ACSL3: variants seen among roughly 807,000 people sequenced by gnomAD.
The protein encoded by ACSL3 is fatty acid CoA ligase Acsl3.
In ACSL3, 34 loss-of-function variants were observed where a neutral mutation model predicts 84.7. The observed-to-expected ratio is 0.40, with a 90% CI of 0.31 to 0.53. The LOEUF (loss-of-function observed/expected upper bound fraction) is 0.53. ACSL3 is among the 20% of genes least tolerant of loss of function. ACSL3 has a pLI of 0.48. For synonymous variants in ACSL3, 315 were observed against 299.4 expected (o/e 1.05, Z -0.54); for missense variants, 680 against 873.1 (o/e 0.78, Z 2.79).
chr2:222,938,281 G>A (rs1697225934), intron 16 of ACSL3, among the ~76,000 whole-genome samples: 1 of 151,966 alleles, frequency 6.6e-6, no homozygotes, highest in Admixed American at 6.6e-5. Context: ...ATGGTTTTGT[G>A]TTACTGTTTG....
At position 222,941,699 on chromosome 2, in the gene ACSL3, A is replaced by G. The variant is rs774431863; in HGVS notation, c.*45A>G. On this transcript the variant is annotated 3_prime_UTR_variant, in exon 17 of 17. Transcript: ENST00000357430. ...GTTTGCTACAGTGAGCTCAGATCAA[A>G]TAGGAAAATACTTGAAATGCATGTC... 2 of 1,553,562 alleles carry G rather than the reference A, an allele frequency of 1.3e-6. No individual in the cohort carries two copies. The highest frequency in any genetic ancestry group is 1.8e-5 in the Admixed American group (1 of 55,386).
At position 222,943,106 on chromosome 2, in the gene ACSL3, C is replaced by CA. The variant is rs754764759; in HGVS notation, c.*1461dup. The CA allele has an allele frequency of 8.6e-5, 18 of 209,606 alleles. No homozygotes were observed. The highest frequency in any genetic ancestry group is 1.3e-4 in the Non-Finnish European group (14 of 105,656). 13.0% of individuals were successfully genotyped at this position (209,606 alleles called of 1,614,324 possible). A position where few individuals can be genotyped will look rare whatever the true frequency, so the allele number is the denominator to read the frequency against. ...AAATCAAAAAAAAAAAAAACAAAAA[C>CA]AAAAAAAAAGATGAACCTAGGTCTG... On this transcript the variant is annotated 3_prime_UTR_variant, in exon 17 of 17. Coordinates refer to ENST00000357430, the MANE Select transcript of ACSL3 (RefSeq NM_004457.5).
At position 222,900,666 on chromosome 2, in the gene ACSL3, G is replaced by A. The variant is rs1329834732; in HGVS notation, c.-147-8G>A. 1 of 151,982 alleles carries A rather than the reference G, an allele frequency of 6.6e-6. No individual in the cohort carries two copies. Among genetic ancestry groups the A allele is most frequent in the East Asian group, 1.9e-4 (1 of 5,184 alleles). 9.4% of individuals were successfully genotyped at this position (151,982 alleles called of 1,614,324 possible). On this transcript the variant is annotated splice_polypyrimidine_tract_variant and splice_region_variant and intron_variant, in intron 2 of 16. Coordinates refer to ENST00000357430, the MANE Select transcript of ACSL3 (RefSeq NM_004457.5). Reference sequence around the variant, plus strand: ...CTAATTCATGACTTAATTCTATATTGTATTCAGATACAGAATTCGTTGTTG... The same window carrying A: ...CTAATTCATGACTTAATTCTATATTATATTCAGATACAGAATTCGTTGTTG...
intron 16 of ACSL3, among the ~76,000 whole-genome samples, chr2:222,936,083 G>C (rs1238343179): frequency 3.3e-5 from 5 of 152,010 alleles, no homozygotes; most frequent in Non-Finnish European, 7.4e-5. Context: ...CCATGTGATA[G>C]GATTTTTCTT....
At chr2:222,925,163 C>T (rs533306653) in intron 11 of ACSL3, among the ~76,000 whole-genome samples, 2 of 151,604 alleles carry the variant, frequency 1.3e-5, no homozygotes, top group East Asian at 3.9e-4. Flanking sequence ...GTGACAAAAC[C>T]ACATCTCTAC....
chr2:222,882,048 T>C (rs1695602568), intron 1 of ACSL3, among the ~76,000 whole-genome samples: 1 of 152,240 alleles, frequency 6.6e-6, no homozygotes, highest in African/African-American at 2.4e-5. Context: ...CTATGTGGTA[T>C]GTCACGTTTT....
chr2:222,867,158 A>G (rs796200330), intron 1 of ACSL3, among the ~76,000 whole-genome samples: 2 of 152,184 alleles, frequency 1.3e-5, no homozygotes, highest in African/African-American at 4.8e-5. Flanking sequence ...GGACTTGAAC[A>G]TAATTCCTCA....
Position 222,941,825 on chromosome 2 carries a change from C to A in ACSL3, c.*171C>A. ...ATTAGTAAAACATTAAGACAGCAAA[C>A]TTGTGTCTGTCTCTTCTTTCATTTT... On this transcript the variant is annotated 3_prime_UTR_variant, in exon 17 of 17. Transcript: ENST00000357430. 1 of 627,820 alleles carries A rather than the reference C, an allele frequency of 1.6e-6. No individual in the cohort carries two copies. Among genetic ancestry groups the A allele is most frequent in the Non-Finnish European group, 2.4e-6 (1 of 410,182 alleles). 38.9% of individuals were successfully genotyped at this position (627,820 alleles called of 1,614,324 possible). A position where few individuals can be genotyped will look rare whatever the true frequency, so the allele number is the denominator to read the frequency against.
chr2:222,930,877 A>G, intron 14 of ACSL3, 65 bp downstream of exon 14: 5 of 1,411,654 alleles, frequency 3.5e-6, no homozygotes, highest in Middle Eastern at 1.8e-4. Context: ...GAAGCACAAT[A>G]TATTTAGAGG....
Position 222,934,677 on chromosome 2 carries a change from T to C in ACSL3, c.1995T>C (p.Ala665=). 2 of 1,607,826 alleles carry C rather than the reference T, an allele frequency of 1.2e-6. No individual in the cohort carries two copies. Among genetic ancestry groups the C allele is most frequent in the Non-Finnish European group, 1.7e-6 (2 of 1,178,038 alleles). Residue 665 remains alanine (A), a synonymous_variant, in exon 16 of 17, where the codon GCT becomes GCC. Transcript: ENST00000357430. ...AGGTACTTAAAGTGCTTTCCGAAGC[T>C]GCTATTTCAGGTGAGTATTCGGTTA... is the stretch of plus-strand genomic sequence containing the variant. ...ENEVLKVLSE[A]AISASLEKFE... is the part of the protein sequence containing the mutation.
At chr2:222,900,947 C>G (rs995552774) in intron 3 of ACSL3, among the ~76,000 whole-genome samples, 167 bp downstream of exon 3, 1 of 152,198 alleles carries the variant, frequency 6.6e-6, no homozygotes, top group South Asian at 2.1e-4. Flanking sequence ...CGTCTCCTCC[C>G]AGCCCTGCTC....
intron 1 of ACSL3, among the ~76,000 whole-genome samples, chr2:222,867,012 T>G (rs968638785): frequency 6.6e-6 from 1 of 151,716 alleles, no homozygotes; most frequent in African/African-American, 2.4e-5. Flanking sequence ...TTTTTGTATT[T>G]TTGGTAGAGA....
chr2:222,926,166 A>T (rs577437181), intron 11 of ACSL3, among the ~76,000 whole-genome samples: 4 of 152,326 alleles, frequency 2.6e-5, no homozygotes, highest in African/African-American at 9.6e-5. Flanking sequence ...ACTATTTACA[A>T]TGAATTTATA....
intron 14 of ACSL3, among the ~76,000 whole-genome samples, chr2:222,932,501 G>C (rs540174399): frequency 2.6e-5 from 4 of 152,138 alleles, no homozygotes; most frequent in African/African-American, 9.6e-5. Context: ...GCTAGTTTTC[G>C]TATTTTTAGT....
intron 1 of ACSL3, among the ~76,000 whole-genome samples, chr2:222,881,455 T>G (rs115856968): frequency 0.012 from 1,817 of 152,386 alleles, 12 homozygotes; most frequent in Non-Finnish European, 0.018. Flanking sequence ...ATACTGTTTT[T>G]AAGTTTAAGC....
intron 8 of ACSL3, among the ~76,000 whole-genome samples, chr2:222,921,663 T>C (rs1696743689): frequency 6.6e-6 from 1 of 152,210 alleles, no homozygotes; most frequent in African/African-American, 2.4e-5. Context: ...CTTAAATTTG[T>C]ATAGTTGTAA....
intron 1 of ACSL3, among the ~76,000 whole-genome samples, chr2:222,866,743 TGCCCC>T (rs1695152795): frequency 3.4e-5 from 1 of 29,194 alleles, no homozygotes; most frequent in African/African-American, 1.0e-4. Context: ...AAAACTGCCC[TGCCCC>T]CCCCGCCCCC....
intron 3 of ACSL3, among the ~76,000 whole-genome samples, chr2:222,907,100 T>C (rs527781987): frequency 5.1e-4 from 77 of 152,266 alleles, no homozygotes; most frequent in South Asian, 2.1e-3. Context: ...CTTATAGTTA[T>C]ATCTGTTCTG....
chr2:222,883,837 T>C (rs1206838602), intron 1 of ACSL3, among the ~76,000 whole-genome samples: 2 of 152,120 alleles, frequency 1.3e-5, no homozygotes, highest in African/African-American at 2.4e-5. Context: ...TGGAAAAGAG[T>C]CTCCACCTCA....
Sources: gnomAD v4.1 joint callset for allele counts (sites outside exome capture counted in the v4.1 genomes callset) on GRCh38, gnomAD v4.1.1 for gene constraint, MANE v1.5 for transcripts, NCBI Gene and HGNC (gene_info 2026-07-23, HGNC 2026-07-21) for gene names.